MRE11: variants seen among roughly 807,000 people sequenced by gnomAD.
The protein encoded by MRE11 is double-strand break repair protein MRE11.
Under a neutral mutation model 91.7 loss-of-function variants are expected in MRE11, and 62 were observed. The ratio of observed to expected loss-of-function variants is 0.68; its 90% CI spans 0.55 to 0.84. MRE11 has a LOEUF of 0.84. Among genes scored for constraint, MRE11 ranks in the 40% least tolerant of loss-of-function variants. MRE11 has a pLI of 0.00. For missense variants in MRE11, 796 were observed against 852.9 expected (o/e 0.93, Z 0.83); for synonymous variants, 273 against 271.4 (o/e 1.01, Z -0.06).
chr11:94,445,759 G>C (rs938238464), intron 16 of MRE11, 51 bp downstream of exon 16: 1 of 1,333,806 alleles, frequency 7.5e-7, no homozygotes, highest in Non-Finnish European at 1.1e-6. Context: ...TGATTACCTT[G>C]GTCTTTCTAA....
chr11:94,501,619 T>C, the MRE11 span, among the ~76,000 whole-genome samples: 4 of 152,156 alleles, frequency 2.6e-5, no homozygotes, highest in Non-Finnish European at 5.9e-5. Context: ...GTTTGTCTAA[T>C]GGCTACTCCA....
At chr11:94,422,399 T>C (rs1469566376) in intron 19 of MRE11, among the ~76,000 whole-genome samples, 3 of 152,074 alleles carry the variant, frequency 2.0e-5, no homozygotes, top group Non-Finnish European at 2.9e-5. Flanking sequence ...TGTCATGAAA[T>C]CACCACCATG....
At chr11:94,491,520 A>C (rs1028117190) in intron 2 of MRE11, among the ~76,000 whole-genome samples, 1 of 152,216 alleles carries the variant, frequency 6.6e-6, no homozygotes, top group Non-Finnish European at 1.5e-5. Context: ...AGGTACTTTA[A>C]TGTGAAGTAG....
chr11:94,422,078 AAATG>A (rs1176178035), intron 19 of MRE11, among the ~76,000 whole-genome samples: 2 of 152,188 alleles, frequency 1.3e-5, no homozygotes, highest in African/African-American at 2.4e-5. Context: ...ATAAAAAAAT[AAATG>A]AAAGGGGTCA....
intron 14 of MRE11, among the ~76,000 whole-genome samples, chr11:94,452,494 C>G (rs1032756761): frequency 1.3e-5 from 2 of 152,088 alleles, no homozygotes; most frequent in African/African-American, 4.8e-5. Flanking sequence ...CATCTTTGGA[C>G]TAATGTGGCA....
chr11:94,478,464 G>T (rs751447158), intron 6 of MRE11, among the ~76,000 whole-genome samples: 19 of 152,052 alleles, frequency 1.2e-4, no homozygotes, highest in Non-Finnish European at 1.6e-4. Context: ...AGACTTCCAA[G>T]ATATCAAAGT....
At chr11:94,434,945 T>C (rs1945564072) in intron 18 of MRE11, among the ~76,000 whole-genome samples, 1 of 152,204 alleles carries the variant, frequency 6.6e-6, no homozygotes, top group Admixed American at 6.5e-5. Flanking sequence ...TTGATTACTT[T>C]ATTAAGTAGA....
In MRE11 at chr11:94,485,897, C is replaced by T. The variant is rs749829246; in HGVS notation, c.314+27G>A. On this transcript the variant is annotated intron_variant, in intron 4 of 19. Coordinates refer to ENST00000323929, the MANE Select transcript of MRE11 (RefSeq NM_005591.4). ...AGCAAATACCATACACAAGTAATCA[C>T]TCACTCAAGTAAATAAATATACTTA... 2.5e-6 allele frequency: 4 copies of T among 1,603,362 alleles called. No homozygotes were observed. The Admixed American group carries it at 5.0e-5, about 20-fold the overall frequency.
chr11:94,498,213 T>G (rs1947445621), upstream of MRE11: 2 of 1,614,144 alleles, frequency 1.2e-6, no homozygotes. Context: ...GGGGCCGATG[T>G]TCATGCAGTG....
chr11:94,500,463 C>A, the MRE11 span, among the ~76,000 whole-genome samples: 1 of 152,192 alleles, frequency 6.6e-6, no homozygotes, highest in Non-Finnish European at 1.5e-5. Context: ...AGTCACTAAT[C>A]GTGCTTTGAA....
chr11:94,494,446 C>T (rs1947380013), upstream of MRE11, among the ~76,000 whole-genome samples: 1 of 152,184 alleles, frequency 6.6e-6, no homozygotes, highest in Admixed American at 6.5e-5. Context: ...ATTGAAGGGT[C>T]CTTGATCTAG....
chr11:94,488,255 G>A (rs1359714141), intron 3 of MRE11, among the ~76,000 whole-genome samples: 6 of 152,042 alleles, frequency 3.9e-5, no homozygotes. Flanking sequence ...TTGCCTTCAA[G>A]GAAGGAAAAA....
the MRE11 span, among the ~76,000 whole-genome samples, chr11:94,506,593 G>GC: frequency 4.3e-5 from 6 of 140,894 alleles, no homozygotes; most frequent in African/African-American, 1.6e-4. Flanking sequence ...TGCTTTTTTT[G>GC]TTTTTTTTTT....
chr11:94,455,976 C>A (rs1946239338), intron 14 of MRE11, among the ~76,000 whole-genome samples: 1 of 152,070 alleles, frequency 6.6e-6, no homozygotes, highest in South Asian at 2.1e-4. Flanking sequence ...TTCACTGCAG[C>A]CTTGAACTCC....
chr11:94,493,305 C>G (rs1464082557), intron 1 of MRE11, among the ~76,000 whole-genome samples: 1 of 152,158 alleles, frequency 6.6e-6, no homozygotes, highest in Non-Finnish European at 1.5e-5. Context: ...ATTTCCTATT[C>G]AAACCCCACG....
At chr11:94,484,073 A>G (rs550763918) in intron 4 of MRE11, among the ~76,000 whole-genome samples, 6 of 152,304 alleles carry the variant, frequency 3.9e-5, no homozygotes, top group Non-Finnish European at 8.8e-5. Flanking sequence ...CAAGAAAGAC[A>G]AAGTAAAAAA....
chr11:94,438,038 G>A (rs1218111066), intron 16 of MRE11, among the ~76,000 whole-genome samples: 1 of 152,168 alleles, frequency 6.6e-6, no homozygotes, highest in Non-Finnish European at 1.5e-5. Context: ...TGAGGCAGGA[G>A]AATCGCTTGA....
intron 6 of MRE11, among the ~76,000 whole-genome samples, 191 bp from the exon 7 acceptor site, chr11:94,476,594 C>T (rs949974254): frequency 7.2e-5 from 11 of 151,772 alleles, no homozygotes; most frequent in African/African-American, 1.9e-4. Flanking sequence ...TTAACTGAGA[C>T]AGGGTCTTGC....
intron 16 of MRE11, among the ~76,000 whole-genome samples, chr11:94,443,016 C>T (rs1945827427): frequency 6.6e-6 from 1 of 152,136 alleles, no homozygotes; most frequent in South Asian, 2.1e-4. Flanking sequence ...CTAAATAATA[C>T]TTGAGTAAAA....
Sources: allele counts gnomAD v4.1 joint callset (sites outside exome capture counted in the v4.1 genomes callset), GRCh38; gene constraint gnomAD v4.1.1; transcripts MANE v1.5; gene names NCBI Gene and HGNC (gene_info 2026-07-23, HGNC 2026-07-21).